Variants in PEAK1 observed in about 807,000 individuals in gnomAD.
PEAK1 encodes inactive tyrosine-protein kinase PEAK1.
A neutral mutation model predicts 124.7 loss-of-function variants in PEAK1; 54 were observed. The ratio of observed to expected loss-of-function variants is 0.43; its 90% CI spans 0.35 to 0.54. The LOEUF is 0.54. PEAK1 is among the 20% of genes least tolerant of loss of function. PEAK1 has a pLI of 0.01. For missense variants in PEAK1, 2,046 were observed against 2,134.5 expected, an observed-to-expected ratio of 0.96 and a Z score of 0.82; for synonymous variants, 719 against 760.0, an observed-to-expected ratio of 0.95 and a Z score of 0.89.
At chr15:77,363,614 C>T (rs1486046821) in intron 2 of PEAK1, among the ~76,000 whole-genome samples, 2 of 152,146 alleles carry the variant, frequency 1.3e-5, no homozygotes, top group African/African-American at 4.8e-5. Context: ...ACTTTCTCAG[C>T]TTTAACTTCT....
At chr15:77,190,576 T>G (rs1420413612) in intron 6 of PEAK1, among the ~76,000 whole-genome samples, 1 of 152,198 alleles carries the variant, frequency 6.6e-6, no homozygotes, top group African/African-American at 2.4e-5. Context: ...CACAGCAATA[T>G]AATTTCCAGG....
chr15:77,355,988 G>A (rs541375132), intron 2 of PEAK1: 30 of 951,260 alleles, frequency 3.2e-5, no homozygotes, highest in African/African-American at 3.0e-4. Context: ...GATAACAAAC[G>A]AGAAAAAGAA....
intron 1 of PEAK1, among the ~76,000 whole-genome samples, chr15:77,414,156 CCTT>C (rs2072651592): frequency 6.6e-6 from 1 of 151,488 alleles, no homozygotes; most frequent in African/African-American, 2.4e-5. Context: ...TTCCTTCCTT[CCTT>C]CTTTCTCTTT....
At chr15:77,312,018 T>A (rs2064499576) in intron 2 of PEAK1, among the ~76,000 whole-genome samples, 1 of 152,038 alleles carries the variant, frequency 6.6e-6, no homozygotes. Flanking sequence ...GTTGTATGAA[T>A]CATGTGAGAG....
chr15:77,379,770 C>T (rs908619176), intron 1 of PEAK1, among the ~76,000 whole-genome samples: 7 of 152,036 alleles, frequency 4.6e-5, no homozygotes, highest in African/African-American at 1.4e-4. Flanking sequence ...GAAACTTTTC[C>T]GTTTACAGCA....
chr15:77,116,977 C>T (rs1057279524), intron 9 of PEAK1, among the ~76,000 whole-genome samples: 2 of 152,076 alleles, frequency 1.3e-5, no homozygotes, highest in African/African-American at 2.4e-5. Flanking sequence ...TCAATCATAA[C>T]ATTTGTTATT....
At chr15:77,261,437 G>A (rs2061434442) in intron 5 of PEAK1, among the ~76,000 whole-genome samples, 1 of 152,184 alleles carries the variant, frequency 6.6e-6, no homozygotes, top group Non-Finnish European at 1.5e-5. Context: ...AGGAGCTGAT[G>A]GAGCTGAAAA....
At chr15:77,377,934 C>T (rs925444179) in intron 1 of PEAK1, among the ~76,000 whole-genome samples, 1 of 152,116 alleles carries the variant, frequency 6.6e-6, no homozygotes, top group African/African-American at 2.4e-5. Context: ...AACTCCTTTA[C>T]TTCACCTAAT....
intron 2 of PEAK1, among the ~76,000 whole-genome samples, chr15:77,301,881 A>G (rs2063806183): frequency 6.6e-6 from 1 of 152,152 alleles, no homozygotes; most frequent in Admixed American, 6.5e-5. Context: ...GGTCAACATC[A>G]ACCATTTGTT....
chr15:77,267,330 T>G (rs2061789811), intron 5 of PEAK1, among the ~76,000 whole-genome samples: 2 of 151,988 alleles, frequency 1.3e-5, no homozygotes, highest in Non-Finnish European at 2.9e-5. Context: ...GGTCCCAACC[T>G]TCTCCTCATC....
intron 8 of PEAK1, chr15:77,156,494 GCTGCACCCACTGTC>G (rs1041798831): frequency 1.0e-4 from 16 of 154,398 alleles, no homozygotes; most frequent in Admixed American, 9.8e-4. Context: ...CGCACGGTGT[GCTGCACCCACTGTC>G]CTGCACCCAC....
intron 1 of PEAK1, among the ~76,000 whole-genome samples, chr15:77,405,740 A>AT (rs1412906355): frequency 3.3e-5 from 5 of 152,116 alleles, no homozygotes; most frequent in African/African-American, 1.2e-4. Context: ...TAGGGACAAG[A>AT]TTTTTTGCTA....
At position 77,180,957 on chromosome 15, in the gene PEAK1, A is replaced by C. The variant is rs776809795; in HGVS notation, c.970T>G (p.Ser324Ala). The C allele has an allele frequency of 3.1e-6, 5 of 1,614,144 alleles. No individual in the cohort carries two copies. Among genetic ancestry groups the C allele is most frequent in the Non-Finnish European group, 4.2e-6 (5 of 1,180,006 alleles). ...CTTCCTTGTCCATAAGAGACCACAG[A>C]ATTTTCCTCATAACCATTCAGGATT... ...DEILNGYEEN[S>A]VVSYGQGSIQ... is the part of the protein sequence containing the mutation. Residue 324 changes from serine (S) to alanine (A), a missense_variant, in exon 7 of 10, where the codon TCT (serine) becomes GCT (alanine). By Grantham distance (99) the Ser-to-Ala change is moderately conservative. Coordinates refer to ENST00000682557, the MANE Select transcript of PEAK1 (RefSeq NM_001385026.1).
intron 8 of PEAK1, among the ~76,000 whole-genome samples, chr15:77,152,038 G>T (rs940273068): frequency 6.6e-6 from 1 of 152,196 alleles, no homozygotes; most frequent in African/African-American, 2.4e-5. Context: ...GTCACTGGTA[G>T]CATGATAGGG....
At chr15:77,252,697 C>T (rs2060934431) in intron 5 of PEAK1, among the ~76,000 whole-genome samples, 171 bp from the exon 6 acceptor site, 2 of 152,214 alleles carry the variant, frequency 1.3e-5, no homozygotes, top group South Asian at 4.1e-4. Flanking sequence ...GAACCTCACA[C>T]ACTCAAGACC....
intron 6 of PEAK1, among the ~76,000 whole-genome samples, chr15:77,215,429 G>A (rs2059105772): frequency 1.3e-5 from 2 of 152,162 alleles, no homozygotes; most frequent in Non-Finnish European, 2.9e-5. Flanking sequence ...GGACCCCTGA[G>A]GATGCTCAAG....
At chr15:77,127,784 T>C (rs1233183698) in intron 9 of PEAK1, among the ~76,000 whole-genome samples, 1 of 152,160 alleles carries the variant, frequency 6.6e-6, no homozygotes, top group Non-Finnish European at 1.5e-5. Flanking sequence ...CTATCCATAC[T>C]GTGAAAACGG....
chr15:77,178,035 A>C (rs758273691), intron 7 of PEAK1: 16 of 152,212 alleles, frequency 1.1e-4, no homozygotes, highest in Non-Finnish European at 2.2e-4. Flanking sequence ...TGAAGAATAT[A>C]GCAAATTTAT....
intron 6 of PEAK1, among the ~76,000 whole-genome samples, chr15:77,193,800 T>C (rs1443437232): frequency 1.5e-5 from 2 of 132,224 alleles, no homozygotes; most frequent in Admixed American, 7.9e-5. Context: ...TGAGACTCTA[T>C]CTTAACTAAA....
Sources: allele counts gnomAD v4.1 joint callset (sites outside exome capture counted in the v4.1 genomes callset), GRCh38; gene constraint gnomAD v4.1.1; transcripts MANE v1.5; gene names NCBI Gene and HGNC (gene_info 2026-07-23, HGNC 2026-07-21).